DOCK5: variants seen among roughly 807,000 people sequenced by gnomAD.
DOCK5 encodes dedicator of cytokinesis 5, also known as dedicator of cytokinesis protein 5.
A neutral mutation model predicts 251.8 loss-of-function variants in DOCK5; 142 were observed. That is an observed-to-expected ratio of 0.56 (90% confidence interval 0.49 to 0.65). The LOEUF (loss-of-function observed/expected upper bound fraction) is 0.65, where lower values mean the gene tolerates loss of function less well. Among genes scored for constraint, DOCK5 ranks in the 30% least tolerant of loss-of-function variants. DOCK5 has a pLI of 0.00. For missense variants in DOCK5, 2,111 were observed against 2,312.3 expected, an observed-to-expected ratio of 0.91 and a Z score of 1.79; for synonymous variants, 842 against 835.5, an observed-to-expected ratio of 1.01 and a Z score of -0.13.
chr8:25,306,700 A>T (rs1473263994), intron 11 of DOCK5, among the ~76,000 whole-genome samples: 1 of 151,470 alleles, frequency 6.6e-6, no homozygotes, highest in Admixed American at 6.6e-5. Flanking sequence ...TCTGAAAAAA[A>T]AATAAATAAA....
rs181081189 is a variant in DOCK5 at position 25,187,784 on chromosome 8, C to A, written c.43+2833C>A. On this transcript the variant is annotated intron_variant, in intron 1 of 51. Coordinates refer to ENST00000276440, the MANE Select transcript of DOCK5 (RefSeq NM_024940.8). ...TGTTGTGCAACATACCCTGCAGAGT[C>A]CCTCCTTTGGGACTTTGCTCCCATT... 3.9e-5 allele frequency among the ~76,000 whole-genome samples: 6 copies of A among 152,264 alleles called. No homozygotes were observed. In the East Asian group the frequency reaches 1.2e-3, roughly 29 times the overall value.
rs1056898855 is a variant in DOCK5, at chr8:25,236,255, G to A, written c.44-7419G>A. 4.6e-5 allele frequency among the ~76,000 whole-genome samples: 7 copies of A among 152,196 alleles called. No individual in the cohort carries two copies. In the South Asian group the frequency reaches 8.3e-4, roughly 18 times the overall value. On this transcript the variant is annotated intron_variant, in intron 1 of 51. Transcript: ENST00000276440. The stretch of plus-strand genomic sequence containing the variant: ...CTGATGTCCTAACCTGATAGCCTCC[G>A]TCCTGGATGGGTCTGAGCAGAGAGG...
chr8:25,359,018 A>G lies in DOCK5; in HGVS notation c.2906A>G (p.Tyr969Cys), dbSNP rs1158525320. Residue 969 changes from tyrosine (Y) to cysteine (C), a missense_variant, in exon 28 of 52, where the codon TAT becomes TGT. Tyr to Cys is a radical substitution (Grantham distance 194). Around this residue, in one of 3 missense-constraint regions of DOCK5, gnomAD observed 1,717 missense variants for 1,892.4 expected, o/e 0.91. Coordinates refer to ENST00000276440, the MANE Select transcript of DOCK5 (RefSeq NM_024940.8). Reference protein sequence around the residue: ...ALLQQMDDSHYSHYISTFKTR... With the variant: ...ALLQQMDDSHCSHYISTFKTR... Reference sequence around the variant, plus strand: ...CTGCAGCAAATGGACGACAGCCACTATAGCCACTACATCAGCACTTTCAAA... The same window carrying G: ...CTGCAGCAAATGGACGACAGCCACTGTAGCCACTACATCAGCACTTTCAAA... 1.2e-6 allele frequency: 2 copies of G among 1,613,976 alleles called. No individual in the cohort carries two copies. Among genetic ancestry groups the G allele is most frequent in the Middle Eastern group, 1.6e-4 (1 of 6,062 alleles).
chr8:25,268,752 T>C, intron 2 of DOCK5, 93 bp from the exon 3 acceptor site: 1 of 1,030,710 alleles, frequency 9.7e-7, no homozygotes. Flanking sequence ...TGTATCCCAG[T>C]ATTGCTAATA....
intron 2 of DOCK5, among the ~76,000 whole-genome samples, chr8:25,256,115 T>C (rs2117573016): frequency 6.6e-6 from 1 of 152,370 alleles, no homozygotes; most frequent in Non-Finnish European, 1.5e-5. Flanking sequence ...AAGTTTCTAG[T>C]TACAGAAAGA....
chr8:25,366,203 G>A (rs536573459), intron 30 of DOCK5, among the ~76,000 whole-genome samples: 52 of 151,856 alleles, frequency 3.4e-4, no homozygotes, highest in South Asian at 2.3e-3. Flanking sequence ...AAAAATATTC[G>A]TGCTTGGCTG....
chr8:25,272,192 C>G (rs182387400), intron 3 of DOCK5, among the ~76,000 whole-genome samples: 24 of 152,116 alleles, frequency 1.6e-4, no homozygotes, highest in African/African-American at 5.5e-4. Context: ...CCATGCTGTG[C>G]TAATTTTTTA....
At chr8:25,300,342 T>G (rs996216496) in intron 8 of DOCK5, among the ~76,000 whole-genome samples, 1 of 152,214 alleles carries the variant, frequency 6.6e-6, no homozygotes, top group Non-Finnish European at 1.5e-5. Flanking sequence ...CCTGCATCTG[T>G]GTGGGGCATG....
At chr8:25,325,627 G>A in intron 18 of DOCK5, 80 bp downstream of exon 18, 1 of 1,523,718 alleles carries the variant, frequency 6.6e-7, no homozygotes, top group South Asian at 1.2e-5. Flanking sequence ...CACAGGGCTG[G>A]ACTATATGGG....
intron 1 of DOCK5, among the ~76,000 whole-genome samples, chr8:25,206,824 TA>T (rs1349572312): frequency 6.6e-6 from 1 of 152,208 alleles, no homozygotes; most frequent in Admixed American, 6.5e-5. Flanking sequence ...GGGCAAAAGC[TA>T]AAAGGATGTC....
chr8:25,332,445 C>A, intron 19 of DOCK5, 97 bp downstream of exon 19: 2 of 1,211,502 alleles, frequency 1.7e-6, no homozygotes, highest in Admixed American at 2.6e-5. Flanking sequence ...TTAAATCATT[C>A]ATTGTAAATA....
rs552653895 is a variant in DOCK5 at position 25,191,763 on chromosome 8, T to A, written c.43+6812T>A. 5.5e-3 allele frequency among the ~76,000 whole-genome samples: 762 copies of A among 138,252 alleles called. 6 individuals are homozygous for A. The highest frequency in any genetic ancestry group is 8.9e-3 in the Non-Finnish European group (537 of 60,058). The allele number at this position is 138,252 out of a possible 152,430, so 90.7% of individuals were successfully genotyped here. On this transcript the variant is annotated intron_variant, in intron 1 of 51. Transcript: ENST00000276440. ...CACTCCAAAAACAAAATCTTTTTTT[T>A]AAAATTATATATATATATTTATTAT...
chr8:25,277,641 C>G (rs1804079684), intron 4 of DOCK5, among the ~76,000 whole-genome samples: 1 of 152,154 alleles, frequency 6.6e-6, no homozygotes, highest in Non-Finnish European at 1.5e-5. Context: ...TTCCGGTGGG[C>G]CGTGGGCTGC....
chr8:25,201,585 C>T (rs191237297), intron 1 of DOCK5, among the ~76,000 whole-genome samples: 149 of 152,314 alleles, frequency 9.8e-4, no homozygotes, highest in Admixed American at 2.4e-3. Context: ...TGCTTGAAAT[C>T]AGAATCGTCA....
intron 28 of DOCK5, among the ~76,000 whole-genome samples, chr8:25,360,503 C>G (rs1015602724): frequency 6.6e-6 from 1 of 152,156 alleles, no homozygotes; most frequent in African/African-American, 2.4e-5. Flanking sequence ...GGTAAGAGCA[C>G]AGGCCTTAGA....
At chr8:25,184,973 T>A in intron 1 of DOCK5, 22 bp downstream of exon 1, 1 of 1,365,632 alleles carries the variant, frequency 7.3e-7, no homozygotes, top group East Asian at 2.9e-5. Flanking sequence ...CCCCACCTTG[T>A]CCCGGCCCGA....
intron 6 of DOCK5, among the ~76,000 whole-genome samples, chr8:25,295,277 A>AT (rs1366968076): frequency 1.7e-3 from 251 of 145,242 alleles, no homozygotes; most frequent in Middle Eastern, 3.6e-3. Flanking sequence ...CATCTCTACA[A>AT]TTTTTTTTTT....
At chr8:25,199,394 T>TC (rs1180695507) in intron 1 of DOCK5, among the ~76,000 whole-genome samples, 1 of 150,080 alleles carries the variant, frequency 6.7e-6, no homozygotes, top group East Asian at 1.9e-4. Context: ...TTTTTTTTTT[T>TC]TTTTTGTGAG....
At chr8:25,308,597 A>G (rs1196051945) in intron 11 of DOCK5, 186 bp from the exon 12 acceptor site, 1 of 722,750 alleles carries the variant, frequency 1.4e-6, no homozygotes, top group African/African-American at 1.8e-5. Context: ...GCCTCAAGTC[A>G]TTTCCAAGGT....
Sources: gnomAD v4.1 joint callset for allele counts (sites outside exome capture counted in the v4.1 genomes callset) on GRCh38, gnomAD v4.1.1 for gene constraint, gnomAD v4.1.1 regional missense constraint, MANE v1.5 for transcripts, NCBI Gene and HGNC (gene_info 2026-07-23, HGNC 2026-07-21) for gene names.